CDK14: variants seen among roughly 807,000 people sequenced by gnomAD.
CDK14 encodes the protein cyclin-dependent kinase 14.
In CDK14, 34 loss-of-function variants were observed where a neutral mutation model predicts 60.7. The observed-to-expected ratio is 0.56, with a 90% CI of 0.43 to 0.75. The LOEUF is 0.75. CDK14 is among the 30% of genes least tolerant of loss of function. The pLI is 0.00. For synonymous variants in CDK14, 197 were observed against 203.7 expected, an observed-to-expected ratio of 0.97 and a Z score of 0.28; for missense variants, 482 against 564.1, an observed-to-expected ratio of 0.85 and a Z score of 1.47.
At chr7:90,630,748 A>T (rs1258263666) in intron 2 of CDK14, among the ~76,000 whole-genome samples, 1 of 152,102 alleles carries the variant, frequency 6.6e-6, no homozygotes, top group Non-Finnish European at 1.5e-5. Context: ...ATCCAATAAA[A>T]ATTGTTGAGA....
At chr7:90,814,457 A>G (rs929061198) in intron 5 of CDK14, among the ~76,000 whole-genome samples, 3 of 152,126 alleles carry the variant, frequency 2.0e-5, no homozygotes, top group Non-Finnish European at 4.4e-5. Flanking sequence ...AGCGAGAGAA[A>G]ATAACCCAAT....
At chr7:90,967,219 G>T (rs990878657) in intron 9 of CDK14, among the ~76,000 whole-genome samples, 1 of 151,800 alleles carries the variant, frequency 6.6e-6, no homozygotes, top group East Asian at 1.9e-4. Flanking sequence ...AGGAAGGAAA[G>T]CAAGCAGGCT....
chr7:90,803,475 T>C (rs924423105), intron 5 of CDK14, among the ~76,000 whole-genome samples: 3 of 152,168 alleles, frequency 2.0e-5, no homozygotes, highest in African/African-American at 7.2e-5. Context: ...TGTGTTTGAC[T>C]AGACATGGAG....
At chr7:91,155,196 G>GC (rs1346503146) in intron 14 of CDK14, among the ~76,000 whole-genome samples, 1 of 152,196 alleles carries the variant, frequency 6.6e-6, no homozygotes, top group Non-Finnish European at 1.5e-5. Context: ...AGGAAGACCA[G>GC]CTAGCCAAGG....
At chr7:90,649,316 C>T (rs1253105092) in intron 2 of CDK14, among the ~76,000 whole-genome samples, 6 of 35,298 alleles carry the variant, frequency 1.7e-4, no homozygotes, top group African/African-American at 1.0e-3. Context: ...TTCTTTCCTT[C>T]CTTCCTTCCT....
chr7:90,708,186 T>C (rs1325123641), intron 2 of CDK14, among the ~76,000 whole-genome samples: 2 of 152,204 alleles, frequency 1.3e-5, no homozygotes, highest in African/African-American at 4.8e-5. Context: ...TTTAAGTAAA[T>C]TTTGAAAAAT....
chr7:90,966,280 T>C (rs1347344677), intron 9 of CDK14, among the ~76,000 whole-genome samples: 7 of 152,198 alleles, frequency 4.6e-5, no homozygotes, highest in Admixed American at 4.6e-4. Context: ...TTCTGATCTG[T>C]ATTTCTTCAA....
intron 6 of CDK14, among the ~76,000 whole-genome samples, chr7:90,879,322 A>G (rs958014854): frequency 6.6e-6 from 1 of 152,200 alleles, no homozygotes; most frequent in Non-Finnish European, 1.5e-5. Context: ...TGTTGTCATC[A>G]TTCCAAATCA....
intron 2 of CDK14, among the ~76,000 whole-genome samples, chr7:90,658,930 G>C (rs1392653499): frequency 6.6e-6 from 1 of 152,114 alleles, no homozygotes; most frequent in Admixed American, 6.6e-5. Context: ...GGTAGTTTCT[G>C]TCTAGTAGTG....
At chr7:90,732,312 G>T (rs748943980) in intron 3 of CDK14, among the ~76,000 whole-genome samples, 1 of 151,774 alleles carries the variant, frequency 6.6e-6, no homozygotes, top group Non-Finnish European at 1.5e-5. Flanking sequence ...TTTTTTTGTT[G>T]TGTCTCTGCC....
chr7:90,670,146 G>A (rs1409455121), intron 2 of CDK14, among the ~76,000 whole-genome samples: 2 of 152,184 alleles, frequency 1.3e-5, no homozygotes, highest in Non-Finnish European at 2.9e-5. Flanking sequence ...GAGGCTGTAG[G>A]AAGTAGGTAT....
At chr7:91,045,496 G>A (rs1024627036) in intron 10 of CDK14, among the ~76,000 whole-genome samples, 5 of 152,144 alleles carry the variant, frequency 3.3e-5, no homozygotes, top group African/African-American at 1.2e-4. Flanking sequence ...AGAAATGGAA[G>A]AATTGTTGGA....
chr7:90,921,606 A>C (rs1015580204), intron 8 of CDK14, among the ~76,000 whole-genome samples: 1 of 152,236 alleles, frequency 6.6e-6, no homozygotes, highest in East Asian at 1.9e-4. Flanking sequence ...TGAATAAAAA[A>C]TATACATGAC....
chr7:90,958,497 A>G (rs1335270698), intron 9 of CDK14, among the ~76,000 whole-genome samples: 1 of 152,076 alleles, frequency 6.6e-6, no homozygotes, highest in African/African-American at 2.4e-5. Context: ...GAGCTAATCT[A>G]TTTTGTCACA....
intron 4 of CDK14, among the ~76,000 whole-genome samples, chr7:90,769,669 G>A (rs1234526596): frequency 1.3e-5 from 2 of 152,120 alleles, no homozygotes; most frequent in Non-Finnish European, 2.9e-5. Context: ...GTTTTGCTAT[G>A]TTGGCCAGGC....
At chr7:90,688,350 GA>G (rs1801483348) in intron 2 of CDK14, among the ~76,000 whole-genome samples, 1 of 152,090 alleles carries the variant, frequency 6.6e-6, no homozygotes, top group African/African-American at 2.4e-5. Context: ...AATATAAAAG[GA>G]AAAAGCCCGT....
At chr7:91,104,504 C>G (rs1799231036) in intron 12 of CDK14, among the ~76,000 whole-genome samples, 1 of 152,108 alleles carries the variant, frequency 6.6e-6, no homozygotes, top group East Asian at 1.9e-4. Context: ...ATTATAGTCC[C>G]CCTGACCTGG....
chr7:90,933,099 G>A (rs11765675), intron 8 of CDK14, among the ~76,000 whole-genome samples: 23,317 of 151,936 alleles, frequency 0.15, 1,887 homozygotes, highest in Non-Finnish European at 0.18. Context: ...CAGCACTTTG[G>A]GCGACTAAGG....
chr7:90,612,005 G>C (rs1285048236), intron 2 of CDK14, among the ~76,000 whole-genome samples: 1 of 151,812 alleles, frequency 6.6e-6, no homozygotes, highest in Non-Finnish European at 1.5e-5. Context: ...GCTAATTTTT[G>C]TATTTTTAGT....
Sources: gnomAD v4.1 joint callset for allele counts (sites outside exome capture counted in the v4.1 genomes callset) on GRCh38, gnomAD v4.1.1 for gene constraint, MANE v1.5 for transcripts, NCBI Gene and HGNC (gene_info 2026-07-23, HGNC 2026-07-21) for gene names.